SAMD12: variants seen among roughly 807,000 people sequenced by gnomAD.
SAMD12 encodes sterile alpha motif domain-containing protein 12.
SAMD12 carries 9 observed loss-of-function variants against 15.0 expected under a neutral mutation model. That is an observed-to-expected ratio of 0.60 (90% confidence interval 0.36 to 1.05). SAMD12 has a LOEUF of 1.05. Ranked by LOEUF, SAMD12 falls within the 50% of genes least tolerant of loss-of-function variation. The pLI is 0.01. For missense variants in SAMD12, 230 were observed against 234.2 expected (o/e 0.98, Z 0.12); for synonymous variants, 86 against 90.1 (o/e 0.96, Z 0.25).
intron 4 of SAMD12, among the ~76,000 whole-genome samples, chr8:118,332,880 G>A (rs539583000): frequency 1.3e-5 from 2 of 152,256 alleles, no homozygotes; most frequent in African/African-American, 4.8e-5. Context: ...GGAGTCCCCT[G>A]CTTCTTGACC....
At position 118,519,732 on chromosome 8, in the gene SAMD12, G is replaced by T. The variant is rs536593410; in HGVS notation, c.192+60983C>A. 1.3e-4 allele frequency among the ~76,000 whole-genome samples: 20 copies of T among 152,266 alleles called. No homozygotes were observed. In the South Asian group the frequency reaches 4.1e-3, roughly 32 times the overall value. ...ATCTGCTTTGTGGTATGGCCTTCAAGAACATGCTGCCATTTTTTAAAAAGG... is the reference window on the plus strand; with the variant it reads ...ATCTGCTTTGTGGTATGGCCTTCAATAACATGCTGCCATTTTTTAAAAAGG... On this transcript the variant is annotated intron_variant, in intron 2 of 3. Coordinates refer to ENST00000314727, the MANE Select transcript of SAMD12 (RefSeq NM_207506.3).
rs560844619 is a variant in SAMD12 at position 118,532,806 on chromosome 8, G to C, written c.192+47909C>G. 1.3e-4 allele frequency among the ~76,000 whole-genome samples: 20 copies of C among 152,050 alleles called. No homozygotes were observed. In the East Asian group the frequency reaches 3.5e-3, roughly 26 times the overall value. On this transcript the variant is annotated intron_variant, in intron 2 of 3. Coordinates refer to ENST00000314727, the MANE Select transcript of SAMD12 (RefSeq NM_207506.3). The stretch of plus-strand genomic sequence containing the variant: ...GATATCCCCTTTATCATTTTTTATT[G>C]CATCTATTTGATTCTTCTCTCTTTT...
chr8:118,295,752 C>T (rs558789528), intron 4 of SAMD12: 79 of 151,538 alleles, frequency 5.2e-4, no homozygotes, highest in African/African-American at 1.9e-3. Flanking sequence ...TGGGCTCAAG[C>T]AATCCTCCCA....
At chr8:118,482,906 C>T (rs2515033) in intron 2 of SAMD12, among the ~76,000 whole-genome samples, 138,099 of 152,290 alleles carry the variant, frequency 0.91, 62,786 homozygotes, top group Admixed American at 0.94. Context: ...AGTGTTTTCA[C>T]TGGCTTTTTG....
chr8:118,526,802 T>C (rs1317989603), intron 2 of SAMD12, among the ~76,000 whole-genome samples: 3 of 152,074 alleles, frequency 2.0e-5, no homozygotes, highest in Non-Finnish European at 2.9e-5. Context: ...ATACAGTCCA[T>C]AGACACAGCC....
chr8:118,140,278 AT>A, the SAMD12 span, among the ~76,000 whole-genome samples: 25 of 147,828 alleles, frequency 1.7e-4, no homozygotes, highest in East Asian at 3.9e-4. Flanking sequence ...TTTGTCTTTT[AT>A]TTTTTTTTTT....
At chr8:118,238,450 C>G (rs1462968784) in intron 4 of SAMD12, among the ~76,000 whole-genome samples, 1 of 152,110 alleles carries the variant, frequency 6.6e-6, no homozygotes, top group Non-Finnish European at 1.5e-5. Flanking sequence ...GGATAAGACC[C>G]TTGAGACCCT....
Position 118,536,455 on chromosome 8 carries a change from C to A in SAMD12, c.192+44260G>T, listed in dbSNP as rs1337557721. The stretch of plus-strand genomic sequence containing the variant: ...AGACTGATACACAAACACACACACA[C>A]ACACACACACACACACACACACACA... On this transcript the variant is annotated intron_variant, in intron 2 of 3. Transcript: ENST00000314727. Among the ~76,000 whole-genome samples the A allele has an allele frequency of 1.0e-3, 151 of 151,238 alleles. 3 individuals carry two copies. In the East Asian group the frequency reaches 0.02, roughly 20 times the overall value.
At chr8:118,502,608 C>A (rs111546694) in intron 2 of SAMD12, among the ~76,000 whole-genome samples, 12 of 152,282 alleles carry the variant, frequency 7.9e-5, no homozygotes, top group African/African-American at 2.4e-4. Flanking sequence ...TATTGAAGAG[C>A]ACATTTTCAT....
chr8:118,274,353 G>C (rs1291193336), intron 4 of SAMD12, among the ~76,000 whole-genome samples: 1 of 152,178 alleles, frequency 6.6e-6, no homozygotes, highest in East Asian at 1.9e-4. Flanking sequence ...TTCGAGAAAT[G>C]ATGCTTTTGA....
Position 118,339,292 on chromosome 8 carries a change from T to A in SAMD12, c.433+40268A>T, listed in dbSNP as rs568601718. Among the ~76,000 whole-genome samples the A allele has an allele frequency of 2.4e-4, 37 of 152,020 alleles. No homozygotes were observed. The Middle Eastern group carries it at 0.01, about 42-fold the overall frequency. On this transcript the variant is annotated intron_variant, in intron 4 of 4. Coordinates refer to the SAMD12 transcript ENST00000409003. ...CTGTAGTGAGCTCTGATTGTGCCAC[T>A]GCACTCCAGCCTGAGCCACAGAGTG...
At chr8:118,454,680 G>T (rs1823193079) in intron 2 of SAMD12, among the ~76,000 whole-genome samples, 1 of 152,118 alleles carries the variant, frequency 6.6e-6, no homozygotes, top group South Asian at 2.1e-4. Flanking sequence ...TAATTGTACA[G>T]TTCAGTAGTA....
chr8:118,259,816 C>T (rs1415159449), intron 4 of SAMD12, among the ~76,000 whole-genome samples: 3 of 152,030 alleles, frequency 2.0e-5, no homozygotes, highest in African/African-American at 7.2e-5. Context: ...TTCACAAAAC[C>T]ACCGTTCTTT....
chr8:118,143,041 T>C, the SAMD12 span, among the ~76,000 whole-genome samples: 22 of 152,342 alleles, frequency 1.4e-4, no homozygotes, highest in African/African-American at 5.0e-4. Context: ...TAGCTTATAC[T>C]ACTTGTTTAA....
intron 2 of SAMD12, among the ~76,000 whole-genome samples, chr8:118,517,208 A>G (rs1423070632): frequency 1.3e-5 from 2 of 152,216 alleles, no homozygotes; most frequent in Non-Finnish European, 2.9e-5. Flanking sequence ...AAAGCAAAGG[A>G]TAAGATTCTT....
chr8:118,456,588 C>A (rs10090978), intron 2 of SAMD12, among the ~76,000 whole-genome samples: 3 of 152,034 alleles, frequency 2.0e-5, no homozygotes, highest in Non-Finnish European at 4.4e-5. Context: ...GTATCTGTTC[C>A]TGTTCCAATT....
chr8:118,533,768 C>CT (rs55898185), intron 2 of SAMD12, among the ~76,000 whole-genome samples: 150 of 145,314 alleles, frequency 1.0e-3, no homozygotes, highest in South Asian at 2.6e-3. Flanking sequence ...GCAACCCTTG[C>CT]TTTTTTTTTT....
intron 4 of SAMD12, among the ~76,000 whole-genome samples, chr8:118,221,462 T>G (rs1812080224): frequency 6.6e-6 from 1 of 151,904 alleles, no homozygotes; most frequent in Non-Finnish European, 1.5e-5. Context: ...TAAGCCAAGA[T>G]GTGGAAGAAT....
At chr8:118,418,329 C>T (rs17829264) in intron 3 of SAMD12, among the ~76,000 whole-genome samples, 1 of 151,986 alleles carries the variant, frequency 6.6e-6, no homozygotes, top group African/African-American at 2.4e-5. Context: ...TATTCCCTAG[C>T]CTTTCTTTTT....
Sources: gnomAD v4.1 joint callset for allele counts (sites outside exome capture counted in the v4.1 genomes callset) on GRCh38, gnomAD v4.1.1 for gene constraint, MANE v1.5 for transcripts, NCBI Gene and HGNC (gene_info 2026-07-23, HGNC 2026-07-21) for gene names.